Variants in PDE4D observed in about 807,000 individuals in gnomAD.
PDE4D encodes phosphodiesterase 4D.
In PDE4D, 24 loss-of-function variants were observed where a neutral mutation model predicts 87.4. The observed-to-expected ratio is 0.27, with a 90% CI of 0.20 to 0.39. The LOEUF is 0.39. Among genes scored for constraint, PDE4D ranks in the 10% least tolerant of loss-of-function variants. The pLI, the probability that PDE4D is intolerant of heterozygous loss-of-function variation, is 1.00. For synonymous variants in PDE4D, 384 were observed against 383.2 expected, an observed-to-expected ratio of 1.00 and a Z score of -0.02; for missense variants, 714 against 1,041.0, an observed-to-expected ratio of 0.69 and a Z score of 4.32.
intron 1 of PDE4D, among the ~76,000 whole-genome samples, chr5:60,234,921 AAAG>A (rs1217043620): frequency 6.6e-6 from 1 of 151,852 alleles, no homozygotes; most frequent in East Asian, 1.9e-4. Flanking sequence ...AGAAGTAAAC[AAAG>A]AAGACGAAAT....
chr5:59,333,885 T>C (rs987971140), intron 1 of PDE4D, among the ~76,000 whole-genome samples: 3 of 151,906 alleles, frequency 2.0e-5, no homozygotes, highest in Non-Finnish European at 4.4e-5. Flanking sequence ...GTAATCTCAT[T>C]AAGTAAATAT....
chr5:59,939,753 G>T (rs1756985808), intron 3 of PDE4D, among the ~76,000 whole-genome samples: 2 of 152,128 alleles, frequency 1.3e-5, no homozygotes, highest in South Asian at 4.2e-4. Context: ...AAAGCAGACG[G>T]GGGTACCTAA....
intron 1 of PDE4D, among the ~76,000 whole-genome samples, chr5:59,317,708 G>A (rs893987212): frequency 6.6e-6 from 1 of 152,158 alleles, no homozygotes; most frequent in Non-Finnish European, 1.5e-5. Context: ...AGATATGGGT[G>A]AGACAAGGGC....
Position 58,970,789 on chromosome 5 carries a change from C to T in PDE4D, c.*3875G>A, listed in dbSNP as rs886060704. On this transcript the variant is annotated 3_prime_UTR_variant, in exon 15 of 15. Coordinates refer to ENST00000340635, the MANE Select transcript of PDE4D (RefSeq NM_001104631.2). ...AACCAACACGAGTAAACTCTGGCTC[C>T]AATTTCAAATCAAGTCCATTTTCCT... 4.6e-5 allele frequency: 7 copies of T among 151,502 alleles called. No individual in the cohort carries two copies. The highest frequency in any genetic ancestry group is 1.5e-5 in the Non-Finnish European group (1 of 67,960). 9.4% of individuals were successfully genotyped at this position (151,502 alleles called of 1,614,324 possible).
intron 2 of PDE4D, among the ~76,000 whole-genome samples, chr5:60,109,777 C>A (rs547830369): frequency 6.6e-6 from 1 of 151,598 alleles, no homozygotes; most frequent in African/African-American, 2.4e-5. Flanking sequence ...AACCAAACAC[C>A]GCATATTCTC....
chr5:60,102,237 T>C (rs1776290409), intron 2 of PDE4D, among the ~76,000 whole-genome samples: 1 of 152,260 alleles, frequency 6.6e-6, no homozygotes, highest in Non-Finnish European at 1.5e-5. Context: ...TTTTTGTTTT[T>C]TTGCTTTTTT....
chr5:59,118,880 T>C (rs1441154240), intron 5 of PDE4D, among the ~76,000 whole-genome samples: 1 of 152,164 alleles, frequency 6.6e-6, no homozygotes, highest in African/African-American at 2.4e-5. Flanking sequence ...GCCAGAGGAC[T>C]TGGGAGAGTG....
At chr5:60,226,612 T>C (rs1236468862) in intron 1 of PDE4D, among the ~76,000 whole-genome samples, 4 of 152,134 alleles carry the variant, frequency 2.6e-5, no homozygotes, top group Non-Finnish European at 4.4e-5. Flanking sequence ...CTTTTAATGC[T>C]GCAAGGAAGG....
intron 1 of PDE4D, among the ~76,000 whole-genome samples, chr5:59,820,395 C>G (rs1581253276): frequency 6.6e-6 from 1 of 152,206 alleles, no homozygotes; most frequent in Admixed American, 6.5e-5. Context: ...TGCTGAACTT[C>G]AGATGCTTTT....
chr5:59,439,600 G>C (rs896092901), intron 1 of PDE4D, among the ~76,000 whole-genome samples: 2 of 152,228 alleles, frequency 1.3e-5, no homozygotes, highest in African/African-American at 4.8e-5. Flanking sequence ...TGCCTTTATG[G>C]AGCTGACATT....
chr5:59,370,611 A>G (rs983581548), intron 1 of PDE4D, among the ~76,000 whole-genome samples: 1 of 152,198 alleles, frequency 6.6e-6, no homozygotes, highest in African/African-American at 2.4e-5. Context: ...CATAGAACTA[A>G]CCATCACGAC....
At chr5:59,081,053 T>A (rs1169282710) in intron 5 of PDE4D, among the ~76,000 whole-genome samples, 1 of 152,170 alleles carries the variant, frequency 6.6e-6, no homozygotes, top group East Asian at 1.9e-4. Flanking sequence ...GTCACATTAT[T>A]GATTATCATG....
At chr5:59,835,057 A>G (rs1023347519) in intron 1 of PDE4D, among the ~76,000 whole-genome samples, 14 of 152,080 alleles carry the variant, frequency 9.2e-5, no homozygotes, top group African/African-American at 3.4e-4. Context: ...CAGTGAACAG[A>G]GCAATGCAAT....
chr5:59,081,353 T>C (rs1214121823), intron 5 of PDE4D, among the ~76,000 whole-genome samples: 2 of 152,064 alleles, frequency 1.3e-5, no homozygotes, highest in Admixed American at 6.6e-5. Flanking sequence ...TAAGAAGTAA[T>C]AACTTCCTGT....
chr5:59,184,894 G>C (rs980357481), intron 4 of PDE4D, among the ~76,000 whole-genome samples: 4 of 152,138 alleles, frequency 2.6e-5, no homozygotes, highest in African/African-American at 9.7e-5. Flanking sequence ...TATGAAGTAA[G>C]CCGAAACTAT....
chr5:60,264,008 A>G (rs1749924550), intron 1 of PDE4D, among the ~76,000 whole-genome samples: 1 of 151,888 alleles, frequency 6.6e-6, no homozygotes, highest in African/African-American at 2.4e-5. Flanking sequence ...AATAAAAATA[A>G]TAAAATAAAT....
At chr5:58,996,087 A>G (rs113073753) in intron 6 of PDE4D, among the ~76,000 whole-genome samples, 2 of 152,186 alleles carry the variant, frequency 1.3e-5, no homozygotes, top group African/African-American at 4.8e-5. Context: ...GAGTTGAACA[A>G]TGAGAACACA....
At chr5:59,974,728 C>A (rs7379748) in intron 3 of PDE4D, among the ~76,000 whole-genome samples, 1 of 152,004 alleles carries the variant, frequency 6.6e-6, no homozygotes, top group South Asian at 2.1e-4. Context: ...CTCAGACAAC[C>A]ACCTGATACA....
intron 2 of PDE4D, among the ~76,000 whole-genome samples, chr5:59,995,321 C>CTTTCT (rs1763422762): frequency 7.1e-6 from 1 of 140,182 alleles, no homozygotes; most frequent in African/African-American, 2.6e-5. Flanking sequence ...TTCTTTCTTT[C>CTTTCT]TTTTTTTTTT....
Sources: allele counts gnomAD v4.1 joint callset (sites outside exome capture counted in the v4.1 genomes callset), GRCh38; gene constraint gnomAD v4.1.1; transcripts MANE v1.5; gene names NCBI Gene and HGNC (gene_info 2026-07-23, HGNC 2026-07-21).